The following ROBO2 variants were observed in gnomAD, a reference collection of about 807,000 sequenced individuals.
The protein encoded by ROBO2 is roundabout guidance receptor 2.
ROBO2 carries 53 observed loss-of-function variants against 160.8 expected under a neutral mutation model. That is an observed-to-expected ratio of 0.33 (90% CI 0.26 to 0.41). The LOEUF (loss-of-function observed/expected upper bound fraction) is 0.41. Among genes scored for constraint, ROBO2 ranks in the 10% least tolerant of loss-of-function variants. ROBO2 has a pLI of 1.00. For synonymous variants in ROBO2, 664 were observed against 611.7 expected (o/e 1.09, Z -1.26); for missense variants, 1,577 against 1,722.4 (o/e 0.92, Z 1.49).
At chr3:76,987,790 A>G (rs1283908103) in intron 2 of ROBO2, among the ~76,000 whole-genome samples, 1 of 152,150 alleles carries the variant, frequency 6.6e-6, no homozygotes, top group African/African-American at 2.4e-5. Flanking sequence ...TTCCTTGGGA[A>G]TAGTTTAAAG....
chr3:77,284,286 T>C (rs368066058), intron 2 of ROBO2, among the ~76,000 whole-genome samples: 20 of 152,282 alleles, frequency 1.3e-4, no homozygotes, highest in African/African-American at 4.8e-4. Context: ...CCTGATGTGC[T>C]AGCACATGTT....
intron 2 of ROBO2, among the ~76,000 whole-genome samples, chr3:76,174,438 C>G (rs2073154573): frequency 6.6e-6 from 1 of 152,122 alleles, no homozygotes; most frequent in East Asian, 1.9e-4. Context: ...CATCTTTGCC[C>G]ATGCCTATGT....
chr3:77,633,676 T>C (rs542246841), intron 23 of ROBO2: 2 of 152,346 alleles, frequency 1.3e-5, no homozygotes, highest in South Asian at 2.1e-4. Flanking sequence ...CTTTTAAGCA[T>C]ACATTAGCTA....
At chr3:77,035,046 T>C (rs866137854), upstream of ROBO2, among the ~76,000 whole-genome samples, 1 of 152,088 alleles carries the variant, frequency 6.6e-6, no homozygotes, top group Middle Eastern at 3.4e-3. Flanking sequence ...TAGCCTGTTA[T>C]GGTTAATGAC....
At chr3:77,192,074 T>C (rs1254757413) in intron 2 of ROBO2, among the ~76,000 whole-genome samples, 1 of 152,194 alleles carries the variant, frequency 6.6e-6, no homozygotes, top group Non-Finnish European at 1.5e-5. Flanking sequence ...GTAAGCAATG[T>C]AACATTATTT....
intron 2 of ROBO2, among the ~76,000 whole-genome samples, chr3:76,983,574 G>A (rs1578038452): frequency 6.6e-6 from 1 of 152,194 alleles, no homozygotes; most frequent in Admixed American, 6.5e-5. Context: ...AGGAATTTAT[G>A]TTGGAAGAAA....
chr3:76,555,434 A>AAGGGG (rs2083722161), intron 2 of ROBO2, among the ~76,000 whole-genome samples: 3 of 147,934 alleles, frequency 2.0e-5, no homozygotes, highest in African/African-American at 7.5e-5. Flanking sequence ...GGAGAAGGGG[A>AAGGGG]AGGGGAAGAG....
chr3:77,608,905 A>G (rs1429000849), intron 21 of ROBO2, among the ~76,000 whole-genome samples: 1 of 151,502 alleles, frequency 6.6e-6, no homozygotes, highest in Non-Finnish European at 1.5e-5. Flanking sequence ...AAAAAATCAC[A>G]TATACATGTT....
At chr3:76,268,305 G>T (rs1707221307) in intron 2 of ROBO2, among the ~76,000 whole-genome samples, 1 of 152,086 alleles carries the variant, frequency 6.6e-6, no homozygotes. Flanking sequence ...GAGAGGGGAT[G>T]CTATAAGCTA....
At chr3:76,960,227 T>A (rs2079550884) in intron 2 of ROBO2, among the ~76,000 whole-genome samples, 1 of 151,968 alleles carries the variant, frequency 6.6e-6, no homozygotes, top group Non-Finnish European at 1.5e-5. Context: ...TAGCTATAGT[T>A]ATTTTTAAAC....
intron 2 of ROBO2, among the ~76,000 whole-genome samples, chr3:76,428,631 T>G (rs1324432326): frequency 6.6e-6 from 1 of 151,766 alleles, no homozygotes; most frequent in African/African-American, 2.4e-5. Context: ...AAAAAGTGAG[T>G]TTTTTTTCTG....
At chr3:77,072,942 C>T (rs1195324848) in intron 1 of ROBO2, among the ~76,000 whole-genome samples, 1 of 152,116 alleles carries the variant, frequency 6.6e-6, no homozygotes, top group East Asian at 1.9e-4. Context: ...AGGACATCAT[C>T]ATTTAGTTCA....
chr3:77,142,490 T>A (rs1257212895), intron 2 of ROBO2, among the ~76,000 whole-genome samples: 1 of 152,206 alleles, frequency 6.6e-6, no homozygotes, highest in African/African-American at 2.4e-5. Context: ...AACCTAATCT[T>A]AAGGACATGA....
Position 76,745,365 on chromosome 3 carries a change from C to T in ROBO2, c.110-352649C>T, listed in dbSNP as rs576473718. Among the ~76,000 whole-genome samples, 10 of 151,126 alleles carry T rather than the reference C, an allele frequency of 6.6e-5. No homozygotes were observed. In the South Asian group the frequency reaches 2.1e-3, roughly 31 times the overall value. On this transcript the variant is annotated intron_variant, in intron 2 of 26. Transcript: ENST00000487694. Reference sequence around the variant, plus strand: ...CAACAGCTGGTGTGATTTCAGTTCTCTTTAGCTATTATATGTGAGCTGTAA... The same window carrying T: ...CAACAGCTGGTGTGATTTCAGTTCTTTTTAGCTATTATATGTGAGCTGTAA...
At chr3:75,927,166 T>A (rs1465660518) in intron 1 of ROBO2, among the ~76,000 whole-genome samples, 1 of 152,230 alleles carries the variant, frequency 6.6e-6, no homozygotes, top group Non-Finnish European at 1.5e-5. Flanking sequence ...AATAACTTTA[T>A]GGTGAAACAA....
At chr3:77,351,639 C>T (rs146504243) in intron 2 of ROBO2, among the ~76,000 whole-genome samples, 57 of 152,154 alleles carry the variant, frequency 3.7e-4, no homozygotes, top group African/African-American at 1.4e-3. Context: ...AAGGAGGTAC[C>T]TCCTTAGACA....
intron 2 of ROBO2, among the ~76,000 whole-genome samples, chr3:76,903,175 C>A (rs2075351507): frequency 6.6e-6 from 1 of 151,950 alleles, no homozygotes; most frequent in South Asian, 2.1e-4. Context: ...TCAAAATAAA[C>A]CCTAAGTGGT....
intron 2 of ROBO2, among the ~76,000 whole-genome samples, chr3:76,351,596 G>C (rs989221238): frequency 2.0e-5 from 3 of 151,808 alleles, no homozygotes; most frequent in African/African-American, 7.2e-5. Flanking sequence ...ATAATATTTT[G>C]GTTAATGAGT....
chr3:76,977,479 A>C (rs1042583763), intron 2 of ROBO2, among the ~76,000 whole-genome samples: 1 of 152,160 alleles, frequency 6.6e-6, no homozygotes, highest in African/African-American at 2.4e-5. Context: ...ATGGAAAACA[A>C]TACTAACATG....
Sources: allele counts gnomAD v4.1 joint callset (sites outside exome capture counted in the v4.1 genomes callset), GRCh38; gene constraint gnomAD v4.1.1; transcripts MANE v1.5; gene names NCBI Gene and HGNC (gene_info 2026-07-23, HGNC 2026-07-21).